Variants in UBE2E2 observed in about 807,000 individuals in gnomAD.
The protein encoded by UBE2E2 is ubiquitin conjugating enzyme E2 E2.
A neutral mutation model predicts 24.7 loss-of-function variants in UBE2E2; 6 were observed. The observed-to-expected ratio is 0.24, with a 90% CI of 0.13 to 0.48. The LOEUF is 0.48. UBE2E2 is among the 20% of genes least tolerant of loss of function. The pLI is 0.99. For synonymous variants in UBE2E2, 104 were observed against 83.6 expected, an observed-to-expected ratio of 1.24 and a Z score of -1.33; for missense variants, 169 against 245.0, an observed-to-expected ratio of 0.69 and a Z score of 2.07.
intron 3 of UBE2E2, among the ~76,000 whole-genome samples, chr3:23,444,027 T>A (rs1463315577): frequency 7.9e-5 from 12 of 151,744 alleles, no homozygotes; most frequent in Admixed American, 1.3e-4. Context: ...TTGATACACA[T>A]CTTCTATCAC....
chr3:23,563,065 C>T (rs538328949), intron 5 of UBE2E2, among the ~76,000 whole-genome samples: 3 of 152,046 alleles, frequency 2.0e-5, no homozygotes, highest in East Asian at 1.9e-4. Context: ...GTGTCTCTAT[C>T]TCCTTCAGTT....
intron 3 of UBE2E2, among the ~76,000 whole-genome samples, chr3:23,478,444 A>T (rs897257789): frequency 1.3e-5 from 2 of 152,252 alleles, no homozygotes; most frequent in Non-Finnish European, 2.9e-5. Flanking sequence ...GAGGATAGTG[A>T]TATTCAAAAG....
chr3:23,318,668 G>A (rs564887608), intron 3 of UBE2E2, among the ~76,000 whole-genome samples: 2 of 152,268 alleles, frequency 1.3e-5, no homozygotes, highest in African/African-American at 4.8e-5. Context: ...CAGATCTGGT[G>A]AGACTTTTAC....
intron 3 of UBE2E2, among the ~76,000 whole-genome samples, chr3:23,286,726 T>C (rs1211648622): frequency 6.6e-6 from 1 of 152,190 alleles, no homozygotes; most frequent in Non-Finnish European, 1.5e-5. Context: ...ATTTAATCTG[T>C]AGATTGCCTT....
At chr3:23,506,236 G>A (rs916935061) in intron 4 of UBE2E2, among the ~76,000 whole-genome samples, 54 of 152,276 alleles carry the variant, frequency 3.5e-4, no homozygotes, top group Middle Eastern at 3.4e-3. Flanking sequence ...GCTTGGCCAT[G>A]GGTCAAGTTC....
chr3:23,265,591 G>C (rs796179055), intron 3 of UBE2E2, among the ~76,000 whole-genome samples: 3 of 152,286 alleles, frequency 2.0e-5, no homozygotes, highest in African/African-American at 7.2e-5. Flanking sequence ...CCAGTGCATA[G>C]GCTCACTGCC....
intron 3 of UBE2E2, among the ~76,000 whole-genome samples, chr3:23,328,815 C>T (rs1364056490): frequency 2.0e-5 from 3 of 152,094 alleles, no homozygotes; most frequent in Non-Finnish European, 4.4e-5. Context: ...GTGCCCGCCA[C>T]CATGCCCGGC....
intron 3 of UBE2E2, among the ~76,000 whole-genome samples, chr3:23,342,456 G>A (rs1033385054): frequency 2.0e-5 from 3 of 152,032 alleles, no homozygotes; most frequent in African/African-American, 4.8e-5. Context: ...TCTTCCTTCC[G>A]CAGATAAAAA....
intron 3 of UBE2E2, among the ~76,000 whole-genome samples, chr3:23,256,879 C>G (rs146346453): frequency 1.3e-3 from 197 of 152,302 alleles, no homozygotes; most frequent in Non-Finnish European, 2.2e-3. Flanking sequence ...AGAAAGGCCT[C>G]TGGTCTAGCT....
chr3:23,270,322 T>G (rs1698202404), intron 3 of UBE2E2, among the ~76,000 whole-genome samples: 1 of 152,256 alleles, frequency 6.6e-6, no homozygotes, highest in Middle Eastern at 3.4e-3. Context: ...TTGGGTGCCA[T>G]GCATGTGCTG....
intron 5 of UBE2E2, among the ~76,000 whole-genome samples, chr3:23,553,351 C>T (rs1430375023): frequency 6.6e-6 from 1 of 151,964 alleles, no homozygotes; most frequent in South Asian, 2.1e-4. Context: ...AACTTGTGAG[C>T]ATGTGGTAAA....
At chr3:23,403,942 G>A (rs940025976) in intron 3 of UBE2E2, among the ~76,000 whole-genome samples, 1 of 152,100 alleles carries the variant, frequency 6.6e-6, no homozygotes, top group Non-Finnish European at 1.5e-5. Context: ...GACCATTGCA[G>A]CATCTGTCAT....
At chr3:23,444,305 T>C (rs1175696139) in intron 3 of UBE2E2, among the ~76,000 whole-genome samples, 1 of 152,160 alleles carries the variant, frequency 6.6e-6, no homozygotes, top group African/African-American at 2.4e-5. Flanking sequence ...CTTCTTGTGG[T>C]GGTCCAGATT....
intron 3 of UBE2E2, among the ~76,000 whole-genome samples, chr3:23,337,011 T>C (rs1695228954): frequency 6.6e-6 from 1 of 151,974 alleles, no homozygotes; most frequent in African/African-American, 2.4e-5. Flanking sequence ...TGTTGGCACA[T>C]GCCTGTTGTC....
At chr3:23,352,623 A>G (rs1484880021) in intron 3 of UBE2E2, among the ~76,000 whole-genome samples, 1 of 152,246 alleles carries the variant, frequency 6.6e-6, no homozygotes, top group Non-Finnish European at 1.5e-5. Context: ...CAAATAAACT[A>G]GAAAATCTAG....
chr3:23,492,102 A>AG (rs1699509682), intron 3 of UBE2E2, among the ~76,000 whole-genome samples: 1 of 152,226 alleles, frequency 6.6e-6, no homozygotes, highest in Admixed American at 6.5e-5. Context: ...CTAAGTAGGC[A>AG]GACATTGAAG....
At chr3:23,307,020 CTT>C in intron 3 of UBE2E2, among the ~76,000 whole-genome samples, 1 of 152,134 alleles carries the variant, frequency 6.6e-6, no homozygotes, top group South Asian at 2.1e-4. Context: ...ATATTATAGA[CTT>C]TATAATACAA....
intron 3 of UBE2E2, among the ~76,000 whole-genome samples, chr3:23,478,894 A>ATT (rs746397316): frequency 0.026 from 753 of 28,750 alleles, 6 homozygotes; most frequent in African/African-American, 0.042. Flanking sequence ...ATATATATAT[A>ATT]TATTTTTTTT....
At chr3:23,414,185 G>A (rs1697566195) in intron 3 of UBE2E2, among the ~76,000 whole-genome samples, 1 of 152,100 alleles carries the variant, frequency 6.6e-6, no homozygotes, top group South Asian at 2.1e-4. Context: ...TCTGAGACTT[G>A]GTTTTATAAA....
Sources: allele counts gnomAD v4.1 joint callset (sites outside exome capture counted in the v4.1 genomes callset), GRCh38; gene constraint gnomAD v4.1.1; transcripts MANE v1.5; gene names NCBI Gene and HGNC (gene_info 2026-07-23, HGNC 2026-07-21).